The following SMYD3 variants were observed in gnomAD, a reference collection of about 807,000 sequenced individuals.
SMYD3 encodes histone-lysine N-methyltransferase SMYD3.
Under a neutral mutation model 57.7 loss-of-function variants are expected in SMYD3, and 36 were observed. That is an observed-to-expected ratio of 0.62 (90% CI 0.48 to 0.82). The LOEUF (loss-of-function observed/expected upper bound fraction) is 0.82, where lower values mean the gene tolerates loss of function less well. Among genes scored for constraint, SMYD3 ranks in the 40% least tolerant of loss-of-function variants. The pLI is 0.00. For missense variants in SMYD3, 515 were observed against 538.8 expected, an observed-to-expected ratio of 0.96 and a Z score of 0.44; for synonymous variants, 211 against 195.0, an observed-to-expected ratio of 1.08 and a Z score of -0.68.
At chr1:245,932,538 G>A (rs1254513541) in intron 5 of SMYD3, among the ~76,000 whole-genome samples, 2 of 152,156 alleles carry the variant, frequency 1.3e-5, no homozygotes, top group African/African-American at 4.8e-5. Context: ...CTCAAAGCCT[G>A]GCAAACAGAA....
At chr1:246,312,108 G>A (rs1412912989) in intron 5 of SMYD3, among the ~76,000 whole-genome samples, 1 of 152,108 alleles carries the variant, frequency 6.6e-6, no homozygotes, top group African/African-American at 2.4e-5. Flanking sequence ...CTAGGAAAAT[G>A]GTTACGACCC....
At chr1:246,089,584 A>G (rs188681969) in intron 5 of SMYD3, among the ~76,000 whole-genome samples, 184 of 152,274 alleles carry the variant, frequency 1.2e-3, no homozygotes, top group Non-Finnish European at 2.2e-3. Flanking sequence ...ACCTTCACAG[A>G]AGCTTGTTGA....
intron 5 of SMYD3, among the ~76,000 whole-genome samples, chr1:246,245,917 C>T (rs930963935): frequency 6.6e-6 from 1 of 152,118 alleles, no homozygotes; most frequent in African/African-American, 2.4e-5. Flanking sequence ...GATAACACAC[C>T]AGGCCAATGT....
intron 5 of SMYD3, among the ~76,000 whole-genome samples, chr1:246,144,746 C>T (rs993146775): frequency 6.6e-6 from 1 of 152,138 alleles, no homozygotes; most frequent in African/African-American, 2.4e-5. Context: ...AACTAATAAC[C>T]TTCATAAACA....
intron 5 of SMYD3, among the ~76,000 whole-genome samples, chr1:245,976,904 T>C (rs374248624): frequency 1.1e-3 from 24 of 21,048 alleles, no homozygotes; most frequent in Non-Finnish European, 3.7e-3. Context: ...CCATCGTCTC[T>C]AGCCTAGGGA....
At chr1:245,920,836 C>A (rs1395453622) in intron 7 of SMYD3, among the ~76,000 whole-genome samples, 1 of 152,128 alleles carries the variant, frequency 6.6e-6, no homozygotes, top group Non-Finnish European at 1.5e-5. Context: ...ACTTTATGCA[C>A]CCTAGAAGAA....
At chr1:246,108,962 CTTT>C in intron 5 of SMYD3, among the ~76,000 whole-genome samples, 1 of 152,318 alleles carries the variant, frequency 6.6e-6, no homozygotes, top group African/African-American at 2.4e-5. Context: ...GTGTAGTCTT[CTTT>C]GACACTAGGT....
rs1274468186 is a variant in SMYD3 at position 245,976,998 on chromosome 1, TCTAGC to T, written c.532-47066_532-47062del. ...CTCCGGCCCAGGGAAAGCCATCGTC[TCTAGC>T]CCAGGGAAAGCCATCGTCTCTAGCC... On this transcript the variant is annotated intron_variant, in intron 5 of 11. Transcript: ENST00000490107. Among the ~76,000 whole-genome samples the T allele has an allele frequency of 1.4e-4, 12 of 84,578 alleles. 2 individuals carry two copies. The highest frequency in any genetic ancestry group is 5.1e-4 in the African/African-American group (10 of 19,790). The allele number at this position is 84,578 out of a possible 152,430, so 55.5% of individuals were successfully genotyped here.
intron 8 of SMYD3, among the ~76,000 whole-genome samples, chr1:245,868,583 C>T (rs916263562): frequency 6.6e-6 from 1 of 152,168 alleles, no homozygotes; most frequent in Non-Finnish European, 1.5e-5. Flanking sequence ...ACCTGATTAG[C>T]TGTTCTTTTA....
chr1:246,393,610 A>G (rs2066606036), intron 1 of SMYD3, among the ~76,000 whole-genome samples: 1 of 146,998 alleles, frequency 6.8e-6, no homozygotes, highest in South Asian at 2.2e-4. Flanking sequence ...AGGCCAAAGT[A>G]GGAGGACTGT....
At chr1:246,245,120 CTTTTTTTTT>C (rs74163421) in intron 5 of SMYD3, among the ~76,000 whole-genome samples, 1 of 122,966 alleles carries the variant, frequency 8.1e-6, no homozygotes, top group African/African-American at 3.1e-5. Flanking sequence ...CAGCTACTGC[CTTTTTTTTT>C]TTTTTTTTTT....
At chr1:246,047,373 T>C (rs1381885508) in intron 5 of SMYD3, among the ~76,000 whole-genome samples, 2 of 152,160 alleles carry the variant, frequency 1.3e-5, no homozygotes, top group African/African-American at 4.8e-5. Context: ...AAGCCAAGTG[T>C]TAAATCACTC....
chr1:245,906,327 A>G (rs935343733), intron 8 of SMYD3, among the ~76,000 whole-genome samples: 22 of 152,220 alleles, frequency 1.4e-4, no homozygotes, highest in African/African-American at 5.1e-4. Context: ...TGATCAAAAG[A>G]CGGACAAAAG....
At chr1:245,928,736 T>A (rs1204697294) in intron 6 of SMYD3, among the ~76,000 whole-genome samples, 3 of 152,134 alleles carry the variant, frequency 2.0e-5, no homozygotes, top group African/African-American at 7.2e-5. Context: ...ACCTCTCCCA[T>A]AGGATCTCAT....
At chr1:246,373,122 G>T (rs1478330753) in intron 1 of SMYD3, among the ~76,000 whole-genome samples, 1 of 151,960 alleles carries the variant, frequency 6.6e-6, no homozygotes, top group African/African-American at 2.4e-5. Flanking sequence ...AGACTGAAAA[G>T]AAATAGACCA....
rs191774702 is a variant in SMYD3 at position 246,084,874 on chromosome 1, A to C, written c.532-154937T>G. 2.7e-3 allele frequency among the ~76,000 whole-genome samples: 416 copies of C among 152,324 alleles called. 10 individuals carry two copies. The South Asian group carries it at 0.029, about 10-fold the overall frequency. ...CCATTGAATTATTTAGTAACAAAAAATCTAGTAAATAATTACAAATTATCA... is the reference window on the plus strand; with the variant it reads ...CCATTGAATTATTTAGTAACAAAAACTCTAGTAAATAATTACAAATTATCA... On this transcript the variant is annotated intron_variant, in intron 5 of 11. Coordinates refer to ENST00000490107, the MANE Select transcript of SMYD3 (RefSeq NM_001167740.2).
At chr1:246,128,861 G>A (rs929063814) in intron 5 of SMYD3, among the ~76,000 whole-genome samples, 1 of 152,030 alleles carries the variant, frequency 6.6e-6, no homozygotes, top group Admixed American at 6.5e-5. Flanking sequence ...GGAGTGCAGT[G>A]GTGCGATCAC....
chr1:245,961,408 C>A (rs1325701416), intron 5 of SMYD3, among the ~76,000 whole-genome samples: 1 of 152,142 alleles, frequency 6.6e-6, no homozygotes, highest in Non-Finnish European at 1.5e-5. Context: ...ATCTAAATTT[C>A]CTTCTCACCC....
intron 10 of SMYD3, among the ~76,000 whole-genome samples, chr1:245,796,115 G>T (rs1352159687): frequency 6.6e-6 from 1 of 152,090 alleles, no homozygotes; most frequent in African/African-American, 2.4e-5. Context: ...AAAGGTCAAG[G>T]ATATGTACAG....
Sources: gnomAD v4.1 joint callset for allele counts (sites outside exome capture counted in the v4.1 genomes callset) on GRCh38, gnomAD v4.1.1 for gene constraint, MANE v1.5 for transcripts, NCBI Gene and HGNC (gene_info 2026-07-23, HGNC 2026-07-21) for gene names.